LDLRAD4: variants seen among roughly 807,000 people sequenced by gnomAD.
LDLRAD4 encodes the protein low density lipoprotein receptor class A domain containing 4.
In LDLRAD4, 5 loss-of-function variants were observed where a neutral mutation model predicts 17.0. The observed-to-expected ratio is 0.29, with a 90% CI of 0.15 to 0.62. The LOEUF (loss-of-function observed/expected upper bound fraction) is 0.62, where lower values mean the gene tolerates loss of function less well. Ranked by LOEUF, LDLRAD4 falls within the 20% of genes least tolerant of loss-of-function variation. LDLRAD4 has a pLI of 0.84. For synonymous variants in LDLRAD4, 168 were observed against 171.8 expected (o/e 0.98, Z 0.17); for missense variants, 340 against 424.7 (o/e 0.80, Z 1.75).
intron 3 of LDLRAD4, among the ~76,000 whole-genome samples, chr18:13,509,860 C>A (rs1394643893): frequency 6.6e-6 from 1 of 152,192 alleles, no homozygotes; most frequent in Non-Finnish European, 1.5e-5. Context: ...AACATTGAGG[C>A]AAGACCCTCC....
intron 1 of LDLRAD4, among the ~76,000 whole-genome samples, chr18:13,219,478 C>T (rs57273863): frequency 0.026 from 3,891 of 152,266 alleles, 181 homozygotes; most frequent in African/African-American, 0.088. Flanking sequence ...CGGACCAGCG[C>T]TGCTTTCTAA....
chr18:13,377,568 T>C (rs1163581240), intron 1 of LDLRAD4, among the ~76,000 whole-genome samples: 4 of 152,192 alleles, frequency 2.6e-5, no homozygotes, highest in African/African-American at 4.8e-5. Context: ...AACCGAAGTT[T>C]AAGTTCTAAG....
At chr18:13,425,277 C>T (rs1600172622) in intron 2 of LDLRAD4, among the ~76,000 whole-genome samples, 1 of 152,168 alleles carries the variant, frequency 6.6e-6, no homozygotes, top group South Asian at 2.1e-4. Context: ...GGAGAAGGCC[C>T]CATTTATCAA....
rs1178911522 is a variant in LDLRAD4, at chr18:13,398,768, G to A, written c.40+11006G>A. 6.6e-6 allele frequency among the ~76,000 whole-genome samples: 1 copy of A among 152,096 alleles called. No individual in the cohort carries two copies. Among genetic ancestry groups the A allele is most frequent in the Non-Finnish European group, 1.5e-5 (1 of 68,020 alleles). The stretch of plus-strand genomic sequence containing the variant: ...ACCACCAGCCTGGACGTGGGGATAC[G>A]TCTCTGCAGAACCAGGCCCTGCCAG... On this transcript the variant is annotated intron_variant, in intron 2 of 5. Transcript: ENST00000359446. This position sits in a 1 kb window ranked among gnomAD's most constrained non-coding sequence, Gnocchi z 4.8.
chr18:13,499,113 C>T (rs1441608854), intron 3 of LDLRAD4, among the ~76,000 whole-genome samples: 3 of 151,148 alleles, frequency 2.0e-5, no homozygotes, highest in East Asian at 2.0e-4. Context: ...TCTCACCACA[C>T]ACGTCCCGCC....
rs142887839 is a variant in LDLRAD4 at position 13,479,627 on chromosome 18, GAAAGA to G, written c.181+41263_181+41267del. Among the ~76,000 whole-genome samples, 342 of 150,982 alleles carry G rather than the reference GAAAGA, an allele frequency of 2.3e-3. 1 individual carries two copies. Among genetic ancestry groups the G allele is most frequent in the Admixed American group, 4.2e-3 (64 of 15,182 alleles). Reference sequence around the variant, plus strand: ...CAGAGTGAGACTCCATCTAAAAAAAGAAAGAAAAGAAAAGAAAAGAAAAGCCACAG... The same window carrying G: ...CAGAGTGAGACTCCATCTAAAAAAAGAAAGAAAAGAAAAGAAAAGCCACAG... On this transcript the variant is annotated intron_variant, in intron 3 of 5. Coordinates refer to ENST00000359446, the Ensembl canonical transcript of LDLRAD4.
At chr18:13,625,578 G>A (rs541859954) in intron 4 of LDLRAD4, among the ~76,000 whole-genome samples, 2 of 152,230 alleles carry the variant, frequency 1.3e-5, no homozygotes, top group South Asian at 2.1e-4. Flanking sequence ...TGACTGCCCC[G>A]CTGCCTTCTC....
chr18:13,563,638 G>A (rs909957834), intron 3 of LDLRAD4, among the ~76,000 whole-genome samples: 2 of 152,186 alleles, frequency 1.3e-5, no homozygotes, highest in African/African-American at 4.8e-5. Context: ...CGACATTAAT[G>A]CGTCAGCAGG....
chr18:13,346,638 CTTTCTG>C (rs2082706892), intron 1 of LDLRAD4, among the ~76,000 whole-genome samples: 1 of 152,162 alleles, frequency 6.6e-6, no homozygotes, highest in Non-Finnish European at 1.5e-5. Context: ...TCCTTGTTGA[CTTTCTG>C]TCTCATTGAT....
rs1474920109 is a variant in LDLRAD4 at position 13,370,718 on chromosome 18, T to TTTTTTTTTTTGTTTG, written c.-382-16612_-382-16611insTTTGTTTTTTTTTTG. Among the ~76,000 whole-genome samples, 9 of 143,304 alleles carry TTTTTTTTTTTGTTTG rather than the reference T, an allele frequency of 6.3e-5. 2 individuals carry two copies. The South Asian group carries it at 2.0e-3, about 32-fold the overall frequency. The allele number at this position is 143,304 out of a possible 152,430, so 94.0% of individuals were successfully genotyped here. ...CTTTCATGGTTTTTTGTTTTGTTTT[T>TTTTTTTTTTTGTTTG]TTTTTTTTTTGAGATGGATTCTTGC... On this transcript the variant is annotated intron_variant, in intron 1 of 5. Transcript: ENST00000359446.
chr18:13,363,071 C>T (rs1347515331), intron 1 of LDLRAD4, among the ~76,000 whole-genome samples: 3 of 152,100 alleles, frequency 2.0e-5, no homozygotes, highest in Non-Finnish European at 2.9e-5. Flanking sequence ...TGGCTCACGC[C>T]TGTAATCCCA....
chr18:13,434,850 GCTGTATGTGAGCTACCTCTTTCTCAGT>G (rs1335032369), intron 2 of LDLRAD4, among the ~76,000 whole-genome samples: 1 of 152,238 alleles, frequency 6.6e-6, no homozygotes, highest in East Asian at 1.9e-4. Context: ...GAGGAGGCTT[GCTGTATGTGAGCTACCTCTTTCTCAGT>G]AGACAGTGGT....
intron 1 of LDLRAD4, among the ~76,000 whole-genome samples, chr18:13,228,514 G>C (rs569380397): frequency 1.3e-5 from 2 of 152,148 alleles, no homozygotes; most frequent in Non-Finnish European, 2.9e-5. Context: ...TAGTGGGGAC[G>C]GGAGGCCTTC....
chr18:13,275,344 G>T (rs2044797690), upstream of LDLRAD4, among the ~76,000 whole-genome samples: 2 of 152,192 alleles, frequency 1.3e-5, no homozygotes, highest in African/African-American at 2.4e-5. Flanking sequence ...ACTGACTCAG[G>T]TTCACTGGTA....
intron 3 of LDLRAD4, among the ~76,000 whole-genome samples, chr18:13,579,042 T>C (rs958066775): frequency 6.6e-6 from 1 of 151,776 alleles, no homozygotes; most frequent in East Asian, 1.9e-4. Flanking sequence ...TACAAAAAAT[T>C]AGTCAGACGT....
At chr18:13,457,782 C>T (rs150855466) in intron 3 of LDLRAD4, among the ~76,000 whole-genome samples, 173 of 152,284 alleles carry the variant, frequency 1.1e-3, no homozygotes, top group African/African-American at 3.7e-3. Context: ...CCCCCTGCCT[C>T]GCTACCTGGG....
chr18:13,408,485 T>C (rs557707139), intron 2 of LDLRAD4, among the ~76,000 whole-genome samples: 1 of 152,044 alleles, frequency 6.6e-6, no homozygotes, highest in East Asian at 1.9e-4. Context: ...TATTTTTATT[T>C]TTTTGGCGAT....
intron 1 of LDLRAD4, among the ~76,000 whole-genome samples, chr18:13,359,992 A>T (rs1432216666): frequency 6.6e-6 from 1 of 152,250 alleles, no homozygotes; most frequent in Non-Finnish European, 1.5e-5. Flanking sequence ...TTTTGAAATC[A>T]ATGTGACTGA....
At chr18:13,637,620 C>G (rs936168922) in intron 4 of LDLRAD4, among the ~76,000 whole-genome samples, 28 of 152,122 alleles carry the variant, frequency 1.8e-4, no homozygotes, top group African/African-American at 6.5e-4. Flanking sequence ...AATCCTAGCA[C>G]TTTGGGAGGC....
Sources: gnomAD v4.1 joint callset for allele counts (sites outside exome capture counted in the v4.1 genomes callset) on GRCh38, gnomAD v4.1.1 for gene constraint, Gnocchi (gnomAD v3.1) non-coding constraint, MANE v1.5 for transcripts, NCBI Gene and HGNC (gene_info 2026-07-23, HGNC 2026-07-21) for gene names.